Variants in ATG7 observed in about 807,000 individuals in gnomAD.
ATG7 encodes the protein ubiquitin-like modifier-activating enzyme ATG7.
In ATG7, 70 loss-of-function variants were observed where a neutral mutation model predicts 82.4. The observed-to-expected ratio is 0.85, with a 90% CI of 0.70 to 1.04. The LOEUF is 1.04. ATG7 is among the 50% of genes least tolerant of loss of function. The probability of loss-of-function intolerance (pLI) is 0.00; values close to 1 mark genes in which losing one functional copy is unlikely to be tolerated. For missense variants in ATG7, 792 were observed against 864.3 expected (o/e 0.92, Z 1.05); for synonymous variants, 287 against 313.0 (o/e 0.92, Z 0.88).
chr3:11,470,008 A>AAG (rs1553684785), intron 20 of ATG7, among the ~76,000 whole-genome samples: 19 of 141,128 alleles, frequency 1.3e-4, no homozygotes, highest in Middle Eastern at 3.8e-3. Flanking sequence ...AAAAAAAAAA[A>AAG]AGAGAGAGAG....
At chr3:11,495,197 T>G (rs1056488668) in intron 20 of ATG7, among the ~76,000 whole-genome samples, 2 of 152,162 alleles carry the variant, frequency 1.3e-5, no homozygotes, top group Non-Finnish European at 2.9e-5. Context: ...GGTACGTGGC[T>G]TAGACTCCCC....
intron 20 of ATG7, among the ~76,000 whole-genome samples, chr3:11,545,803 G>GGC (rs1409173342): frequency 6.6e-6 from 1 of 152,180 alleles, no homozygotes; most frequent in Non-Finnish European, 1.5e-5. Flanking sequence ...GCCACCCCCT[G>GGC]GCAGTGCTCA....
intron 20 of ATG7, among the ~76,000 whole-genome samples, chr3:11,527,435 GATA>G (rs1252033573): frequency 6.6e-6 from 1 of 152,024 alleles, no homozygotes; most frequent in Non-Finnish European, 1.5e-5. Flanking sequence ...GTCTTCCTGA[GATA>G]ATGTCATTCT....
intron 19 of ATG7, among the ~76,000 whole-genome samples, chr3:11,398,900 T>C (rs1373056898): frequency 6.6e-6 from 1 of 151,800 alleles, no homozygotes; most frequent in Non-Finnish European, 1.5e-5. Flanking sequence ...CAAATATTTG[T>C]ATCAAGAAGT....
Position 11,307,915 on chromosome 3 carries a change from C to T in ATG7, c.333+855C>T, listed in dbSNP as rs545199766. Among the ~76,000 whole-genome samples the T allele has an allele frequency of 4.9e-4, 75 of 152,290 alleles. 1 individual carries two copies. The highest frequency in any genetic ancestry group is 1.4e-3 in the Admixed American group (22 of 15,292). Reference sequence around the variant, plus strand: ...AGGAGAGGATGGTCGTTTTTCTTGACCTGTGGCTTGACTGCTCCTGGGCCT... The same window carrying T: ...AGGAGAGGATGGTCGTTTTTCTTGATCTGTGGCTTGACTGCTCCTGGGCCT... On this transcript the variant is annotated intron_variant, in intron 6 of 20. Transcript: ENST00000693202.
At chr3:11,311,740 C>G (rs1221925148) in intron 7 of ATG7, among the ~76,000 whole-genome samples, 1 of 151,898 alleles carries the variant, frequency 6.6e-6, no homozygotes, top group African/African-American at 2.4e-5. Context: ...TTTCCTTCTG[C>G]TGTTTTTTAG....
At chr3:11,350,491 T>C (rs1045794558) in intron 14 of ATG7, among the ~76,000 whole-genome samples, 19 of 152,260 alleles carry the variant, frequency 1.2e-4, no homozygotes, top group African/African-American at 4.6e-4. Flanking sequence ...TTCCAGTCCA[T>C]TGTATGTGTT....
Position 11,422,769 on chromosome 3 carries a change from T to TG in ATG7, c.1957-4033dup, listed in dbSNP as rs1553655332. On this transcript the variant is annotated intron_variant, in intron 19 of 20. Transcript: ENST00000693202. ...TTTTTTTTTTTTTTTTTTTTTTTTTTGGAGACAGAGTCTCACTCCGTTGCC... is the reference window on the plus strand; with the variant it reads ...TTTTTTTTTTTTTTTTTTTTTTTTTTGGGAGACAGAGTCTCACTCCGTTGCC... 4.6e-4 allele frequency among the ~76,000 whole-genome samples: 47 copies of TG among 102,696 alleles called. 8 individuals carry two copies. The highest frequency in any genetic ancestry group is 1.5e-3 in the Admixed American group (14 of 9,606). 67.4% of individuals were successfully genotyped at this position (102,696 alleles called of 152,430 possible). A position where few individuals can be genotyped will look rare whatever the true frequency, so the allele number is the denominator to read the frequency against.
At chr3:11,362,395 G>T (rs749786695) in intron 16 of ATG7, among the ~76,000 whole-genome samples, 5 of 152,194 alleles carry the variant, frequency 3.3e-5, no homozygotes, top group Non-Finnish European at 7.3e-5. Context: ...TCACTTTGAG[G>T]TGTTAGCTCA....
Position 11,431,344 on chromosome 3 carries a change from T to C in ATG7, c.2079+4418T>C, listed in dbSNP as rs367789122. 8.5e-4 allele frequency among the ~76,000 whole-genome samples: 129 copies of C among 152,320 alleles called. 1 individual carries two copies. The highest frequency in any genetic ancestry group is 3.0e-3 in the African/African-American group (125 of 41,576). On this transcript the variant is annotated intron_variant, in intron 20 of 20. Transcript: ENST00000693202. Reference sequence around the variant, plus strand: ...TGAACCCGGGAGGTGGAGGCTGCAGTGAGCTGAGATTGTGCTGTTGCACTC... The same window carrying C: ...TGAACCCGGGAGGTGGAGGCTGCAGCGAGCTGAGATTGTGCTGTTGCACTC...
intron 18 of ATG7, among the ~76,000 whole-genome samples, chr3:11,365,346 C>T (rs901450373): frequency 1.3e-5 from 2 of 152,096 alleles, no homozygotes; most frequent in African/African-American, 4.8e-5. Flanking sequence ...AGTGGGGTGT[C>T]TTTTCAGAAA....
rs188751438 is a variant in ATG7, at chr3:11,297,393, C to T, written c.-10-1293C>T. Among the ~76,000 whole-genome samples, 27 of 152,222 alleles carry T rather than the reference C, an allele frequency of 1.8e-4. No individual in the cohort carries two copies. In the East Asian group the frequency reaches 5.2e-3, roughly 29 times the overall value. ...TTACAGTGACTGTTCATATGTTCTGCTGCAGAAATACTTGTATGTCTGGTT... is the reference window on the plus strand; with the variant it reads ...TTACAGTGACTGTTCATATGTTCTGTTGCAGAAATACTTGTATGTCTGGTT... On this transcript the variant is annotated intron_variant, in intron 3 of 20. Transcript: ENST00000693202.
intron 20 of ATG7, among the ~76,000 whole-genome samples, chr3:11,536,025 C>CCTCCAT (rs1355585259): frequency 6.6e-6 from 1 of 152,130 alleles, no homozygotes; most frequent in African/African-American, 2.4e-5. Flanking sequence ...ACTGCTGGGG[C>CCTCCAT]CTCCATCTCC....
intron 20 of ATG7, among the ~76,000 whole-genome samples, chr3:11,521,962 CTCTT>C (rs1349742650): frequency 6.6e-6 from 1 of 152,170 alleles, no homozygotes; most frequent in Non-Finnish European, 1.5e-5. Flanking sequence ...TGGCACTCAA[CTCTT>C]TATGCCGTTG....
At chr3:11,367,628 C>T (rs765622854) in intron 18 of ATG7, among the ~76,000 whole-genome samples, 3 of 152,116 alleles carry the variant, frequency 2.0e-5, no homozygotes, top group Non-Finnish European at 2.9e-5. Context: ...TTGGCCCATC[C>T]AAAGACTGGC....
At chr3:11,554,745 A>C in intron 20 of ATG7, 66 bp from the exon 21 acceptor site, 1 of 1,590,148 alleles carries the variant, frequency 6.3e-7, no homozygotes, top group Non-Finnish European at 8.6e-7. Flanking sequence ...GCGGTTTTGA[A>C]GCATCTGTGT....
intron 20 of ATG7, among the ~76,000 whole-genome samples, chr3:11,528,289 GC>G (rs1001978416): frequency 6.6e-6 from 1 of 152,056 alleles, no homozygotes; most frequent in African/African-American, 2.4e-5. Flanking sequence ...CTGCTTATGT[GC>G]CCAGGTTTAT....
rs558455122 is a variant in ATG7 at position 11,438,134 on chromosome 3, C to T, written c.2079+11208C>T. Reference sequence around the variant, plus strand: ...GGGGAGACACAATTACCCTATTAGGCAACATGCCCCTGAGGTCCTGCTGCT... The same window carrying T: ...GGGGAGACACAATTACCCTATTAGGTAACATGCCCCTGAGGTCCTGCTGCT... On this transcript the variant is annotated intron_variant, in intron 20 of 20. Coordinates refer to ENST00000693202, the MANE Select transcript of ATG7 (RefSeq NM_001349232.2). Among the ~76,000 whole-genome samples, 22 of 152,262 alleles carry T rather than the reference C, an allele frequency of 1.4e-4. No homozygotes were observed. The East Asian group carries it at 4.1e-3, about 28-fold the overall frequency.
At chr3:11,333,908 C>T (rs1952006905) in intron 11 of ATG7, among the ~76,000 whole-genome samples, 1 of 151,882 alleles carries the variant, frequency 6.6e-6, no homozygotes, top group Non-Finnish European at 1.5e-5. Context: ...CTACCACGCC[C>T]GGATAATTTT....
Sources: gnomAD v4.1 joint callset for allele counts (sites outside exome capture counted in the v4.1 genomes callset) on GRCh38, gnomAD v4.1.1 for gene constraint, MANE v1.5 for transcripts, NCBI Gene and HGNC (gene_info 2026-07-23, HGNC 2026-07-21) for gene names.